Variants in CFAP54 observed in about 807,000 individuals in gnomAD.
CFAP54 encodes the protein cilia and flagella associated protein 54, also known as cilia- and flagella-associated protein 54.
CFAP54 carries 290 observed loss-of-function variants against 370.4 expected under a neutral mutation model. The ratio of observed to expected loss-of-function variants is 0.78; its 90% confidence interval spans 0.71 to 0.86. The LOEUF (loss-of-function observed/expected upper bound fraction) is 0.86, where lower values mean the gene tolerates loss of function less well. CFAP54 is among the 40% of genes least tolerant of loss of function. CFAP54 has a pLI of 0.00. For synonymous variants in CFAP54, 1,206 were observed against 1,236.5 expected (o/e 0.98, Z 0.52); for missense variants, 3,399 against 3,528.7 (o/e 0.96, Z 0.93).
chr12:96,754,580 T>C (rs902275264), intron 56 of CFAP54, among the ~76,000 whole-genome samples: 5 of 152,140 alleles, frequency 3.3e-5, no homozygotes, highest in Non-Finnish European at 7.3e-5. Flanking sequence ...TAAGTGACTT[T>C]CCAAAAGTCA....
intron 62 of CFAP54, among the ~76,000 whole-genome samples, chr12:96,787,373 G>GGAA (rs1958639839): frequency 6.6e-6 from 1 of 152,168 alleles, no homozygotes; most frequent in African/African-American, 2.4e-5. Flanking sequence ...TTAAAAGTGT[G>GGAA]AAGACTTTTT....
chr12:96,818,026 C>T, intron 65 of CFAP54, 113 bp downstream of exon 65: 2 of 800,642 alleles, frequency 2.5e-6, no homozygotes, highest in African/African-American at 1.8e-5. Flanking sequence ...CTAGTTTATT[C>T]AGAGTACGAG....
intron 38 of CFAP54, among the ~76,000 whole-genome samples, chr12:96,663,108 A>G (rs1343045845): frequency 6.6e-6 from 1 of 152,200 alleles, no homozygotes; most frequent in African/African-American, 2.4e-5. Context: ...GGAGAAATAG[A>G]AAAGACTAGA....
In CFAP54 at chr12:96,743,792, C is replaced by T; in HGVS notation, c.7439C>T (p.Ala2480Val). Residue 2480 changes from alanine (A) to valine (V), a missense_variant, in exon 54 of 68, where the codon GCA (alanine) becomes GTA (valine). Ala to Val is a moderately conservative substitution (Grantham distance 64, BLOSUM62 0). Around this residue, in one of 3 missense-constraint regions of CFAP54, gnomAD observed 2,796 missense variants for 2,869.7 expected, o/e 0.97. Transcript: ENST00000524981. ...FISPQSRLTL[A>V]RSLVLLDDLT... ...TCTCCTCAATCACGGCTAACCCTGG[C>T]AAGAAGCCTAGTTTTGCTGGATGAC... 2 of 1,613,806 alleles carry T rather than the reference C, an allele frequency of 1.2e-6. No individual in the cohort carries two copies. The highest frequency in any genetic ancestry group is 1.7e-6 in the Non-Finnish European group (2 of 1,179,810).
chr12:96,691,326 A>T lies in CFAP54; in HGVS notation c.6264+16A>T. On this transcript the variant is annotated intron_variant, in intron 44 of 67. Coordinates refer to ENST00000524981, the MANE Select transcript of CFAP54 (RefSeq NM_001306084.2). The stretch of plus-strand genomic sequence containing the variant: ...AAACCTAATAGTAAGTAATTTGTAA[A>T]ATAAAAATTATATATCACTGGGATA... 1 of 1,545,374 alleles carries T rather than the reference A, an allele frequency of 6.5e-7. No individual in the cohort carries two copies. Among genetic ancestry groups the T allele is most frequent in the African/African-American group, 1.4e-5 (1 of 71,980 alleles).
At chr12:96,647,663 A>G (rs1347816138) in intron 33 of CFAP54, among the ~76,000 whole-genome samples, 5 of 151,896 alleles carry the variant, frequency 3.3e-5, no homozygotes, top group Non-Finnish European at 7.4e-5. Flanking sequence ...AGAAATATAT[A>G]TTGATGTTAA....
intron 32 of CFAP54, among the ~76,000 whole-genome samples, chr12:96,639,859 G>T (rs1340659451): frequency 6.6e-6 from 1 of 152,152 alleles, no homozygotes; most frequent in African/African-American, 2.4e-5. Flanking sequence ...TGCAGAAAAG[G>T]CCTTTGACAA....
Position 96,532,454 on chromosome 12 carries a change from A to G in CFAP54, c.1358-1338A>G, listed in dbSNP as rs559000032. On this transcript the variant is annotated intron_variant, in intron 9 of 67. Coordinates refer to ENST00000524981, the MANE Select transcript of CFAP54 (RefSeq NM_001306084.2). ...GGGCTCTTCTCTTCCTAAGAAAAAT[A>G]CAAGTTTTAGATAAGAATTTCCTTG... is the stretch of plus-strand genomic sequence containing the variant. 2.6e-4 allele frequency among the ~76,000 whole-genome samples: 40 copies of G among 152,274 alleles called. No individual in the cohort carries two copies. The East Asian group carries it at 6.2e-3, about 24-fold the overall frequency.
chr12:96,554,157 T>C, intron 15 of CFAP54, 25 bp from the exon 16 acceptor site: 2 of 1,433,100 alleles, frequency 1.4e-6, no homozygotes, highest in Non-Finnish European at 1.8e-6. Flanking sequence ...TTTATTTTTC[T>C]TTTTTGTTTA....
chr12:96,722,683 G>C (rs1957771885), intron 50 of CFAP54, among the ~76,000 whole-genome samples: 1 of 152,102 alleles, frequency 6.6e-6, no homozygotes, highest in Non-Finnish European at 1.5e-5. Context: ...GATTATAAGA[G>C]GAAAAGGGTG....
intron 26 of CFAP54, among the ~76,000 whole-genome samples, chr12:96,605,824 T>C (rs943353923): frequency 2.6e-5 from 4 of 151,978 alleles, no homozygotes; most frequent in Non-Finnish European, 2.9e-5. Flanking sequence ...GATAGGATGA[T>C]TGGGGAAGGC....
chr12:96,813,196 G>A (rs1232609032), intron 64 of CFAP54, among the ~76,000 whole-genome samples: 1 of 152,050 alleles, frequency 6.6e-6, no homozygotes, highest in Non-Finnish European at 1.5e-5. Flanking sequence ...TTGAATTTTG[G>A]TGTACTTCTG....
At chr12:96,741,572 T>C (rs1349325243) in intron 51 of CFAP54, among the ~76,000 whole-genome samples, 1 of 152,126 alleles carries the variant, frequency 6.6e-6, no homozygotes, top group Non-Finnish European at 1.5e-5. Flanking sequence ...GGCTAGCACA[T>C]GTTGCTGATT....
At chr12:96,740,365 A>G (rs937789591) in intron 51 of CFAP54, among the ~76,000 whole-genome samples, 7 of 152,250 alleles carry the variant, frequency 4.6e-5, no homozygotes, top group Admixed American at 1.3e-4. Flanking sequence ...TTATCTACCT[A>G]GCAAATAAAG....
At chr12:96,872,791 G>A (rs1960203272) in intron 67 of CFAP54, among the ~76,000 whole-genome samples, 1 of 152,130 alleles carries the variant, frequency 6.6e-6, no homozygotes, top group Non-Finnish European at 1.5e-5. Flanking sequence ...AATTACTTGA[G>A]ACAGGAGATA....
intron 22 of CFAP54, among the ~76,000 whole-genome samples, chr12:96,586,179 C>T (rs960939144): frequency 9.9e-5 from 15 of 152,170 alleles, no homozygotes; most frequent in African/African-American, 3.6e-4. Context: ...AAGCAGATTG[C>T]TGGATGCCAC....
rs1042037827 is a variant in CFAP54 at position 96,580,872 on chromosome 12, G to A, written c.2890-48G>A. 11 of 1,297,890 alleles carry A rather than the reference G, an allele frequency of 8.5e-6. No individual in the cohort carries two copies. The Admixed American group carries it at 9.5e-5, about 11-fold the overall frequency. 80.4% of individuals were successfully genotyped at this position (1,297,890 alleles called of 1,614,324 possible). On this transcript the variant is annotated intron_variant, in intron 21 of 67. Coordinates refer to ENST00000524981, the MANE Select transcript of CFAP54 (RefSeq NM_001306084.2). ...TACTTAATTGTATTTTAAAAGTCATGTTATTTTAATTTTTCATGTATAACT... is the reference window on the plus strand; with the variant it reads ...TACTTAATTGTATTTTAAAAGTCATATTATTTTAATTTTTCATGTATAACT...
chr12:96,837,121 C>G (rs1183965799), intron 66 of CFAP54, among the ~76,000 whole-genome samples: 4 of 152,148 alleles, frequency 2.6e-5, no homozygotes, highest in African/African-American at 9.7e-5. Context: ...TGTGCCAGCC[C>G]AAAAGTATAA....
intron 14 of CFAP54, among the ~76,000 whole-genome samples, chr12:96,541,485 C>T (rs975840610): frequency 2.6e-5 from 4 of 152,064 alleles, no homozygotes; most frequent in Non-Finnish European, 4.4e-5. Flanking sequence ...AGGGTTTCAC[C>T]ATATTGACCA....
Sources: allele counts gnomAD v4.1 joint callset (sites outside exome capture counted in the v4.1 genomes callset), GRCh38; gene constraint gnomAD v4.1.1; regional missense constraint gnomAD v4.1.1; transcripts MANE v1.5; gene names NCBI Gene and HGNC (gene_info 2026-07-23, HGNC 2026-07-21).